UNC5A: variants seen among roughly 807,000 people sequenced by gnomAD.
The protein encoded by UNC5A is unc-5 netrin receptor A.
Under a neutral mutation model 87.4 loss-of-function variants are expected in UNC5A, and 20 were observed. That is an observed-to-expected ratio of 0.23 (90% CI 0.16 to 0.33). UNC5A has a LOEUF of 0.33. UNC5A is among the 10% of genes least tolerant of loss of function. The probability of loss-of-function intolerance (pLI) is 1.00; values close to 1 mark genes in which losing one functional copy is unlikely to be tolerated. For synonymous variants in UNC5A, 438 were observed against 482.3 expected, an observed-to-expected ratio of 0.91 and a Z score of 1.20; for missense variants, 844 against 1,133.4, an observed-to-expected ratio of 0.74 and a Z score of 3.67.
chr5:176,846,958 C>G (rs987145157), intron 1 of UNC5A, among the ~76,000 whole-genome samples: 3 of 152,180 alleles, frequency 2.0e-5, no homozygotes, highest in Non-Finnish European at 4.4e-5. Flanking sequence ...AGGATGGACG[C>G]AGAGCCGCGC....
At chr5:176,823,879 C>T (rs1413684775) in intron 1 of UNC5A, among the ~76,000 whole-genome samples, 1 of 152,218 alleles carries the variant, frequency 6.6e-6, no homozygotes, top group African/African-American at 2.4e-5. Flanking sequence ...TTGGTAGTTT[C>T]TCTGCCGCCC....
chr5:176,832,930 C>T (rs796254771), intron 1 of UNC5A, among the ~76,000 whole-genome samples: 7 of 152,262 alleles, frequency 4.6e-5, no homozygotes, highest in African/African-American at 1.7e-4. Flanking sequence ...AACTGGATGG[C>T]CAGGGCTTGG....
intron 1 of UNC5A, among the ~76,000 whole-genome samples, chr5:176,842,573 G>T (rs1757302881): frequency 6.6e-6 from 1 of 151,976 alleles, no homozygotes; most frequent in Admixed American, 6.5e-5. Context: ...ACCTGGATGA[G>T]ACTGGAGACT....
chr5:176,815,280 C>T (rs1460685890), intron 1 of UNC5A, among the ~76,000 whole-genome samples: 1 of 152,252 alleles, frequency 6.6e-6, no homozygotes, highest in East Asian at 1.9e-4. Flanking sequence ...CACGCTCAGA[C>T]AGGAGCTCAG....
intron 1 of UNC5A, among the ~76,000 whole-genome samples, chr5:176,846,601 G>A (rs1240289447): frequency 6.6e-6 from 1 of 152,112 alleles, no homozygotes; most frequent in Non-Finnish European, 1.5e-5. Context: ...GCCCTTGTCT[G>A]ACTGAACTCT....
intron 1 of UNC5A, among the ~76,000 whole-genome samples, chr5:176,853,051 C>T (rs1389850642): frequency 6.6e-6 from 1 of 152,168 alleles, no homozygotes; most frequent in Admixed American, 6.5e-5. Context: ...ACAGTGACTC[C>T]GCGGGAGCAG....
rs58933352 is a variant in UNC5A, at chr5:176,875,092, G to A, written c.1378+526G>A. On this transcript the variant is annotated intron_variant, in intron 8 of 14. Coordinates refer to ENST00000329542, the MANE Select transcript of UNC5A (RefSeq NM_133369.3). The surrounding 1 kb of genome is among the most constrained non-coding windows in gnomAD (Gnocchi z 5.2). ...TCCCTCAGCTTAGATGACCCCATGCGCTCCTGGTTTGCTTGCCCCTCTCCA... is the reference window on the plus strand; with the variant it reads ...TCCCTCAGCTTAGATGACCCCATGCACTCCTGGTTTGCTTGCCCCTCTCCA... Among the ~76,000 whole-genome samples the A allele has an allele frequency of 2.0e-5, 3 of 152,078 alleles. No homozygotes were observed. The highest frequency in any genetic ancestry group is 2.9e-5 in the Non-Finnish European group (2 of 68,016).
rs895612474 is a variant in UNC5A at position 176,879,968 on chromosome 5, C to T, written c.*82C>T. 1.0e-5 allele frequency: 15 copies of T among 1,497,094 alleles called. No individual in the cohort carries two copies. In the Middle Eastern group the frequency reaches 8.9e-4, roughly 89 times the overall value. The allele number at this position is 1,497,094 out of a possible 1,614,324, so 92.7% of individuals were successfully genotyped here. Reference sequence around the variant, plus strand: ...GCAGAAGCCGGACAGGGGCCCTTCCCCACACCGGGGAGAGCTGCTCGGACA... The same window carrying T: ...GCAGAAGCCGGACAGGGGCCCTTCCTCACACCGGGGAGAGCTGCTCGGACA... On this transcript the variant is annotated 3_prime_UTR_variant, in exon 15 of 15. Coordinates refer to ENST00000329542, the MANE Select transcript of UNC5A (RefSeq NM_133369.3).
rs539864185 is a variant in UNC5A at position 176,824,935 on chromosome 5, C to T, written c.70+14115C>T. The stretch of plus-strand genomic sequence containing the variant: ...CCCGCTCCCGTGCACACCAAGGCTG[C>T]GTCTCCCCACCCTGTGCACAGTGCT... On this transcript the variant is annotated intron_variant, in intron 1 of 14. Coordinates refer to ENST00000329542, the MANE Select transcript of UNC5A (RefSeq NM_133369.3). The surrounding 1 kb of genome is among the most constrained non-coding windows in gnomAD (Gnocchi z 4.2). 1.7e-3 allele frequency among the ~76,000 whole-genome samples: 261 copies of T among 152,302 alleles called. No individual in the cohort carries two copies. The highest frequency in any genetic ancestry group is 6.0e-3 in the African/African-American group (249 of 41,562).
intron 1 of UNC5A, among the ~76,000 whole-genome samples, chr5:176,829,269 C>G (rs1252248781): frequency 8.1e-6 from 1 of 124,094 alleles, no homozygotes; most frequent in African/African-American, 3.7e-5. Flanking sequence ...GGATGGGTGG[C>G]TGGATGGATG....
chr5:176,870,640 G>A (rs1738425327), intron 6 of UNC5A, 106 bp downstream of exon 6: 1 of 1,302,918 alleles, frequency 7.7e-7, no homozygotes, highest in African/African-American at 1.5e-5. Flanking sequence ...AAAGGCTGTA[G>A]CCTCTCCAGG....
chr5:176,880,779 GTCTTAAGTGCATTCACGCACTTAC>G lies in UNC5A; in HGVS notation c.*898_*921del. On this transcript the variant is annotated 3_prime_UTR_variant, in exon 15 of 15. Coordinates refer to ENST00000329542, the MANE Select transcript of UNC5A (RefSeq NM_133369.3). ...CATGTGAAGCTCGTGTCCTGACTTT[GTCTTAAGTGCATTCACGCACTTAC>G]TCTTGGCCTTATGTACACAGCCTTG... 3.5e-6 allele frequency: 1 copy of G among 288,182 alleles called. No homozygotes were observed. The highest frequency in any genetic ancestry group is 6.4e-6 in the Non-Finnish European group (1 of 156,240). 17.9% of individuals were successfully genotyped at this position (288,182 alleles called of 1,614,324 possible). A position where few individuals can be genotyped will look rare whatever the true frequency, so the allele number is the denominator to read the frequency against.
At chr5:176,879,633 G>A in intron 14 of UNC5A, 88 bp from the exon 15 acceptor site, 1 of 1,562,570 alleles carries the variant, frequency 6.4e-7, no homozygotes, top group Non-Finnish European at 8.7e-7. Flanking sequence ...TGGCTTCGGG[G>A]AGGCCCTGCC....
At chr5:176,820,164 G>A (rs192074456) in intron 1 of UNC5A, among the ~76,000 whole-genome samples, 50 of 152,250 alleles carry the variant, frequency 3.3e-4, no homozygotes, top group Non-Finnish European at 5.4e-4. Flanking sequence ...TTGGGAGGCC[G>A]AGGCGGGTGG....
At chr5:176,839,233 G>C (rs1022824715) in intron 1 of UNC5A, among the ~76,000 whole-genome samples, 2 of 152,228 alleles carry the variant, frequency 1.3e-5, no homozygotes, top group African/African-American at 4.8e-5. Context: ...CATGCTCTTT[G>C]TCCTGAGGGG....
chr5:176,859,033 C>T (rs774081293), intron 1 of UNC5A, among the ~76,000 whole-genome samples: 17 of 152,190 alleles, frequency 1.1e-4, no homozygotes, highest in Non-Finnish European at 1.6e-4. Flanking sequence ...CCTGTAGCCC[C>T]GAGAGGACGT....
chr5:176,824,305 G>C lies in UNC5A; in HGVS notation c.70+13485G>C, dbSNP rs989625328. On this transcript the variant is annotated intron_variant, in intron 1 of 14. Transcript: ENST00000329542. This position sits in a 1 kb window ranked among gnomAD's most constrained non-coding sequence, Gnocchi z 4.2. ...GGGAGGAGGCTGTCCCAGTGGCCCC[G>C]AGGCCCTGAGGCTCTGGTCCCTGCA... is the stretch of plus-strand genomic sequence containing the variant. Among the ~76,000 whole-genome samples the C allele has an allele frequency of 6.6e-6, 1 of 152,176 alleles. No homozygotes were observed. The highest frequency in any genetic ancestry group is 1.5e-5 in the Non-Finnish European group (1 of 68,026).
chr5:176,817,938 G>T (rs1210256498), intron 1 of UNC5A, among the ~76,000 whole-genome samples: 1 of 151,998 alleles, frequency 6.6e-6, no homozygotes, highest in African/African-American at 2.4e-5. Flanking sequence ...GCCTCCGCCC[G>T]CCAGCCCGCC....
intron 1 of UNC5A, among the ~76,000 whole-genome samples, chr5:176,855,640 G>A (rs1292555499): frequency 1.3e-5 from 2 of 152,228 alleles, no homozygotes; most frequent in African/African-American, 4.8e-5. Context: ...CTAGAGGCGA[G>A]GCCAGCAGGG....
Sources: allele counts gnomAD v4.1 joint callset (sites outside exome capture counted in the v4.1 genomes callset), GRCh38; gene constraint gnomAD v4.1.1; non-coding constraint Gnocchi (gnomAD v3.1); transcripts MANE v1.5; gene names NCBI Gene and HGNC (gene_info 2026-07-23, HGNC 2026-07-21).